The following UPRT variants were observed in gnomAD, a reference collection of about 807,000 sequenced individuals.
UPRT encodes the protein RP11-311P8.3.
A neutral mutation model predicts 22.6 loss-of-function variants in UPRT; 5 were observed. That is an observed-to-expected ratio of 0.22 (90% CI 0.12 to 0.47). The LOEUF is 0.47. Ranked by LOEUF, UPRT falls within the 20% of genes least tolerant of loss-of-function variation. The pLI is 0.99. For missense variants in UPRT, 181 were observed against 239.9 expected, an observed-to-expected ratio of 0.75 and a Z score of 1.62; for synonymous variants, 77 against 87.7, an observed-to-expected ratio of 0.88 and a Z score of 0.68.
intron 4 of UPRT, among the ~76,000 whole-genome samples, chrX:75,255,397 G>C: frequency 9.0e-6 from 1 of 111,648 alleles, no homozygotes; most frequent in Non-Finnish European, 1.9e-5. Flanking sequence ...CATCAACACA[G>C]AACCTCTTTA....
At chrX:75,158,572 C>T (rs1332780849) in intron 1 of UPRT, among the ~76,000 whole-genome samples, 1 of 111,148 alleles carries the variant, frequency 9.0e-6, no homozygotes, top group African/African-American at 3.3e-5. Context: ...GGATGGAGAC[C>T]AAACCTAGGT....
At chrX:75,287,259 T>C (rs943925050) in intron 1 of UPRT, among the ~76,000 whole-genome samples, 1 of 111,800 alleles carries the variant, frequency 8.9e-6, no homozygotes, top group Non-Finnish European at 1.9e-5. Flanking sequence ...AAGTTGTAAT[T>C]ATCCCAGGGG....
chrX:75,269,530 C>A (rs756934567), upstream of UPRT, among the ~76,000 whole-genome samples: 3 of 111,830 alleles, frequency 2.7e-5, no homozygotes, highest in South Asian at 7.5e-4. Context: ...GTAGCCAAAA[C>A]AGCATGGTAC....
At chrX:75,188,143 T>A (rs985277450) in intron 4 of UPRT, among the ~76,000 whole-genome samples, 3 of 111,995 alleles carry the variant, frequency 2.7e-5, no homozygotes, top group African/African-American at 9.7e-5. Context: ...TTTTTCCCCA[T>A]CTTTGTGGTT....
intron 4 of UPRT, among the ~76,000 whole-genome samples, chrX:75,257,824 T>G (rs2082554028): frequency 9.0e-6 from 1 of 111,215 alleles, no homozygotes; most frequent in Non-Finnish European, 1.9e-5. Flanking sequence ...GCAGCTCCAG[T>G]CTGCAGCTCC....
chrX:75,265,884 G>T (rs957741851), intron 4 of UPRT, among the ~76,000 whole-genome samples: 1 of 110,980 alleles, frequency 9.0e-6, no homozygotes, highest in Non-Finnish European at 1.9e-5. Context: ...TTTTGTTAGG[G>T]ATGTGAAGGA....
chrX:75,207,047 G>C (rs760088575), intron 4 of UPRT, among the ~76,000 whole-genome samples: 31 of 112,305 alleles, frequency 2.8e-4, no homozygotes, highest in African/African-American at 1.0e-3. Context: ...TAGCCTTTTG[G>C]TATCCCTTAC....
chrX:75,181,252 C>T (rs1011943967), intron 4 of UPRT, among the ~76,000 whole-genome samples: 12 of 111,184 alleles, frequency 1.1e-4, no homozygotes, highest in African/African-American at 3.9e-4. Flanking sequence ...TTTTGGTTAC[C>T]GTACCTTGTA....
chrX:75,259,587 C>A (rs889802494), intron 4 of UPRT, among the ~76,000 whole-genome samples: 9 of 109,627 alleles, frequency 8.2e-5, no homozygotes, highest in Non-Finnish European at 3.8e-5. Context: ...ACAAACAAAG[C>A]CTCTGAGAAA....
At chrX:75,232,051 C>T (rs1360641577) in intron 4 of UPRT, among the ~76,000 whole-genome samples, 2 of 111,475 alleles carry the variant, frequency 1.8e-5, no homozygotes, top group African/African-American at 6.5e-5. Flanking sequence ...CTAGGGAGTG[C>T]CAGACAGTGG....
At chrX:75,244,752 T>A (rs749650129) in intron 4 of UPRT, among the ~76,000 whole-genome samples, 1 of 110,829 alleles carries the variant, frequency 9.0e-6, no homozygotes, top group Non-Finnish European at 1.9e-5. Flanking sequence ...CCCTTCCTTA[T>A]GCCATATACA....
intron 4 of UPRT, among the ~76,000 whole-genome samples, chrX:75,219,416 T>G (rs1413486955): frequency 2.7e-5 from 3 of 112,375 alleles, no homozygotes; most frequent in Non-Finnish European, 5.6e-5. Context: ...GCTATCATTC[T>G]TAGATGTAGA....
intron 4 of UPRT, among the ~76,000 whole-genome samples, chrX:75,216,847 T>C (rs1037936337): frequency 7.1e-5 from 8 of 112,099 alleles, no homozygotes; most frequent in African/African-American, 1.6e-4. Context: ...CTCCGCCTCC[T>C]GGGTTCACGC....
chrX:75,235,247 A>C, intron 4 of UPRT, among the ~76,000 whole-genome samples: 1 of 111,900 alleles, frequency 8.9e-6, no homozygotes, highest in East Asian at 2.8e-4. Flanking sequence ...GAAGAAGTTG[A>C]ATCCCTGAAT....
chrX:75,182,963 A>C (rs1355392742), intron 4 of UPRT, among the ~76,000 whole-genome samples: 5 of 109,918 alleles, frequency 4.5e-5, no homozygotes, highest in Non-Finnish European at 9.5e-5. Flanking sequence ...ATCTTTCTAA[A>C]TTTTTGACGT....
chrX:75,217,910 G>A (rs1196809922), intron 4 of UPRT, among the ~76,000 whole-genome samples: 18 of 111,809 alleles, frequency 1.6e-4, no homozygotes, highest in Admixed American at 9.5e-4. Context: ...AGACTTAAAC[G>A]TTAGATCTAA....
chrX:75,183,346 A>C (rs769949243), intron 4 of UPRT, among the ~76,000 whole-genome samples: 1 of 111,795 alleles, frequency 8.9e-6, no homozygotes, highest in African/African-American at 3.3e-5. Flanking sequence ...CACAAAGGAC[A>C]TGAACTCATC....
chrX:75,298,429 T>G (rs1320173922), intron 4 of UPRT, among the ~76,000 whole-genome samples: 1 of 112,065 alleles, frequency 8.9e-6, no homozygotes, highest in Non-Finnish European at 1.9e-5. Context: ...ATTACCCTTC[T>G]AAACCAACCT....
chrX:75,159,233 G>C (rs1323683756), intron 1 of UPRT, among the ~76,000 whole-genome samples: 1 of 111,495 alleles, frequency 9.0e-6, no homozygotes, highest in Non-Finnish European at 1.9e-5. Flanking sequence ...TTTTGTACCT[G>C]GCTTATTTCA....
Sources: allele counts gnomAD v4.1 joint callset (sites outside exome capture counted in the v4.1 genomes callset), GRCh38; gene constraint gnomAD v4.1.1; transcripts MANE v1.5; gene names NCBI Gene and HGNC (gene_info 2026-07-23, HGNC 2026-07-21).